SGCD: variants seen among roughly 807,000 people sequenced by gnomAD.
SGCD encodes the protein delta-sarcoglycan.
SGCD carries 18 observed loss-of-function variants against 36.6 expected under a neutral mutation model. The ratio of observed to expected loss-of-function variants is 0.49; its 90% CI spans 0.34 to 0.73. SGCD has a LOEUF of 0.73. SGCD is among the 30% of genes least tolerant of loss of function. The pLI, the probability that SGCD is intolerant of heterozygous loss-of-function variation, is 0.01. For synonymous variants in SGCD, 133 were observed against 130.6 expected, an observed-to-expected ratio of 1.02 and a Z score of -0.12; for missense variants, 387 against 346.7, an observed-to-expected ratio of 1.12 and a Z score of -0.92.
chr5:156,315,212 C>T (rs752718898), intron 3 of SGCD, among the ~76,000 whole-genome samples: 21 of 151,632 alleles, frequency 1.4e-4, no homozygotes, highest in Non-Finnish European at 2.1e-4. Flanking sequence ...TCCTTATACC[C>T]TACCTACCAC....
chr5:156,284,648 AATTAGGT>A (rs1338949176), intron 3 of SGCD, among the ~76,000 whole-genome samples: 6 of 152,144 alleles, frequency 3.9e-5, no homozygotes, highest in African/African-American at 7.2e-5. Context: ...ACTCTCAATA[AATTAGGT>A]ATTGATGGGA....
At chr5:156,600,113 G>A (rs1761130438) in intron 6 of SGCD, among the ~76,000 whole-genome samples, 1 of 152,062 alleles carries the variant, frequency 6.6e-6, no homozygotes, top group Non-Finnish European at 1.5e-5. Flanking sequence ...TGAAACTAAG[G>A]TAGTTAGCAT....
At chr5:156,599,392 G>C (rs989855623) in intron 6 of SGCD, among the ~76,000 whole-genome samples, 1 of 152,094 alleles carries the variant, frequency 6.6e-6, no homozygotes, top group Non-Finnish European at 1.5e-5. Context: ...AAAAAAAATG[G>C]AAGGAAGAAT....
chr5:156,105,752 A>T (rs1761630469), intron 1 of SGCD, among the ~76,000 whole-genome samples: 1 of 152,178 alleles, frequency 6.6e-6, no homozygotes, highest in Admixed American at 6.6e-5. Context: ...GTGTGAAGAC[A>T]CTGCCATGTT....
intron 1 of SGCD, among the ~76,000 whole-genome samples, chr5:156,022,904 A>G (rs1759138840): frequency 6.6e-6 from 1 of 152,210 alleles, no homozygotes; most frequent in African/African-American, 2.4e-5. Flanking sequence ...TGAATCGCAC[A>G]GAGTGAAAAT....
intron 3 of SGCD, among the ~76,000 whole-genome samples, chr5:156,490,795 A>G (rs1299884700): frequency 6.6e-6 from 1 of 152,002 alleles, no homozygotes; most frequent in Non-Finnish European, 1.5e-5. Flanking sequence ...AGGACTGAAA[A>G]AAGACAAGGA....
At chr5:155,990,018 C>T (rs1758401134) in intron 1 of SGCD, among the ~76,000 whole-genome samples, 1 of 152,182 alleles carries the variant, frequency 6.6e-6, no homozygotes, top group African/African-American at 2.4e-5. Flanking sequence ...ATTACTCAGG[C>T]CCCTCTACCA....
intron 1 of SGCD, among the ~76,000 whole-genome samples, chr5:155,931,826 A>G (rs1416665151): frequency 2.0e-5 from 3 of 152,222 alleles, no homozygotes; most frequent in African/African-American, 7.2e-5. Context: ...ACAAAGTACC[A>G]TGAAGTGGTA....
At chr5:155,896,386 A>G (rs556625811) in intron 1 of SGCD, among the ~76,000 whole-genome samples, 2 of 151,528 alleles carry the variant, frequency 1.3e-5, no homozygotes, top group Admixed American at 6.6e-5. Flanking sequence ...GAGAACTTTC[A>G]CCAGAGTGTT....
At chr5:156,168,090 C>G (rs1763255358) in intron 3 of SGCD, among the ~76,000 whole-genome samples, 1 of 152,188 alleles carries the variant, frequency 6.6e-6, no homozygotes, top group Non-Finnish European at 1.5e-5. Context: ...TGGGATAACT[C>G]ACTTCAACCA....
At chr5:155,842,246 GTT>G in the SGCD span, among the ~76,000 whole-genome samples, 8 of 129,034 alleles carry the variant, frequency 6.2e-5, no homozygotes, top group Admixed American at 8.1e-5. Flanking sequence ...CATTTGAGGT[GTT>G]TTTTTTTTTT....
chr5:156,085,857 A>G (rs1385233438), intron 1 of SGCD, among the ~76,000 whole-genome samples: 1 of 152,190 alleles, frequency 6.6e-6, no homozygotes, highest in African/African-American at 2.4e-5. Context: ...GTGTTGGAAA[A>G]TTCACTCTAA....
At chr5:155,844,287 A>T in the SGCD span, among the ~76,000 whole-genome samples, 1 of 152,148 alleles carries the variant, frequency 6.6e-6, no homozygotes. Flanking sequence ...TAAAAATAAA[A>T]CTTATATTGT....
At chr5:156,582,840 C>T (rs1222783743) in intron 4 of SGCD, among the ~76,000 whole-genome samples, 1 of 152,138 alleles carries the variant, frequency 6.6e-6, no homozygotes, top group Non-Finnish European at 1.5e-5. Context: ...CACACACACA[C>T]AAACACACAC....
At position 156,331,499 on chromosome 5, in the gene SGCD, C is replaced by T. The variant is rs145559623; in HGVS notation, c.3+1920C>T. Among the ~76,000 whole-genome samples, 46 of 152,306 alleles carry T rather than the reference C, an allele frequency of 3.0e-4. 1 individual carries two copies. Among genetic ancestry groups the T allele is most frequent in the African/African-American group, 8.9e-4 (37 of 41,568 alleles). ...GCAATCACTTTATTCTTCTTTTTCA[C>T]TGATAAAGCAATGGCACCTATTAGA... On this transcript the variant is annotated intron_variant, in intron 2 of 8. Transcript: ENST00000337851.
At chr5:156,664,430 C>T (rs1257085945) in intron 7 of SGCD, among the ~76,000 whole-genome samples, 1 of 149,262 alleles carries the variant, frequency 6.7e-6, no homozygotes, top group Non-Finnish European at 1.5e-5. Context: ...GGGTAGGGCT[C>T]TTTTGAACCT....
intron 3 of SGCD, among the ~76,000 whole-genome samples, chr5:156,440,134 A>G (rs1353670446): frequency 2.0e-5 from 3 of 151,990 alleles, no homozygotes; most frequent in Non-Finnish European, 2.9e-5. Context: ...TCATTCCCCA[A>G]TCTCCCCTTC....
At chr5:156,225,123 GCA>G (rs762578209) in intron 3 of SGCD, among the ~76,000 whole-genome samples, 1 of 151,970 alleles carries the variant, frequency 6.6e-6, no homozygotes, top group African/African-American at 2.4e-5. Context: ...CATTCCACTA[GCA>G]ACCAATATGG....
chr5:156,682,295 G>A lies in SGCD; in HGVS notation c.575+34759G>A, dbSNP rs181421172. Among the ~76,000 whole-genome samples the A allele has an allele frequency of 1.5e-3, 221 of 152,222 alleles. 1 individual carries two copies. The highest frequency in any genetic ancestry group is 5.0e-3 in the African/African-American group (206 of 41,532). On this transcript the variant is annotated intron_variant, in intron 7 of 8. Transcript: ENST00000337851. ...GTAGTAAATGTATAGGTTTATTCTC[G>A]TTGAGAAATAAAATGCTGTTTTCAC...
Sources: gnomAD v4.1 joint callset for allele counts (sites outside exome capture counted in the v4.1 genomes callset) on GRCh38, gnomAD v4.1.1 for gene constraint, MANE v1.5 for transcripts, NCBI Gene and HGNC (gene_info 2026-07-23, HGNC 2026-07-21) for gene names.